Variants in FRMD5 observed in about 807,000 individuals in gnomAD.
The protein encoded by FRMD5 is FERM domain-containing protein 5.
A neutral mutation model predicts 69.0 loss-of-function variants in FRMD5; 20 were observed. The observed-to-expected ratio is 0.29, with a 90% confidence interval of 0.20 to 0.42. The LOEUF is 0.42. Ranked by LOEUF, FRMD5 falls within the 10% of genes least tolerant of loss-of-function variation. FRMD5 has a pLI of 1.00. For missense variants in FRMD5, 595 were observed against 708.6 expected, an observed-to-expected ratio of 0.84 and a Z score of 1.82; for synonymous variants, 271 against 260.1, an observed-to-expected ratio of 1.04 and a Z score of -0.40.
chr15:43,911,542 C>A (rs994232908), intron 4 of FRMD5, among the ~76,000 whole-genome samples: 1 of 152,218 alleles, frequency 6.6e-6, no homozygotes, highest in Non-Finnish European at 1.5e-5. Context: ...ATCACTGCAG[C>A]CCCAGCCAAC....
intron 1 of FRMD5, among the ~76,000 whole-genome samples, chr15:44,097,389 T>G (rs1420724679): frequency 1.3e-5 from 2 of 152,172 alleles, no homozygotes; most frequent in Non-Finnish European, 2.9e-5. Context: ...AGACAAGCAG[T>G]CTGGGCCTTA....
intron 1 of FRMD5, among the ~76,000 whole-genome samples, chr15:43,965,180 G>C (rs571660614): frequency 6.6e-6 from 1 of 152,092 alleles, no homozygotes; most frequent in Admixed American, 6.6e-5. Context: ...ACAGAGGCAG[G>C]GCTTGAAGGA....
intron 1 of FRMD5, among the ~76,000 whole-genome samples, chr15:43,980,118 GT>G (rs1356300754): frequency 1.3e-5 from 2 of 152,174 alleles, no homozygotes; most frequent in African/African-American, 4.8e-5. Context: ...CTAGATGCTT[GT>G]TTACTCGTTT....
chr15:44,022,866 T>C (rs1035016522), intron 1 of FRMD5, among the ~76,000 whole-genome samples: 1 of 152,164 alleles, frequency 6.6e-6, no homozygotes. Context: ...CCGTTTTTCA[T>C]ATAGTCAAGT....
intron 1 of FRMD5, among the ~76,000 whole-genome samples, chr15:43,962,719 T>C (rs972684273): frequency 2.0e-5 from 3 of 152,086 alleles, no homozygotes; most frequent in Non-Finnish European, 2.9e-5. Context: ...TATAGACCAA[T>C]GGAACAGAAC....
In FRMD5 at chr15:43,997,903, C is replaced by T. The variant is rs118012542; in HGVS notation, c.103-73594G>A. On this transcript the variant is annotated intron_variant, in intron 1 of 13. Transcript: ENST00000417257. The stretch of plus-strand genomic sequence containing the variant: ...TCAATGTTCATGACATTGAGATCTC[C>T]GGTCTACTTCCAGTAGGCCTCTTAA... Among the ~76,000 whole-genome samples the T allele has an allele frequency of 1.0e-3, 157 of 152,134 alleles. 2 individuals are homozygous for T. In the East Asian group the frequency reaches 0.022, roughly 21 times the overall value.
intron 7 of FRMD5, among the ~76,000 whole-genome samples, chr15:43,896,151 C>CG (rs1337213599): frequency 6.6e-6 from 1 of 152,078 alleles, no homozygotes; most frequent in East Asian, 1.9e-4. Context: ...ATAGCTATGC[C>CG]GTGGATATCG....
intron 1 of FRMD5, among the ~76,000 whole-genome samples, chr15:44,162,243 T>G (rs2077627897): frequency 6.8e-6 from 1 of 147,758 alleles, no homozygotes; most frequent in African/African-American, 2.5e-5. Flanking sequence ...GGATTACAGG[T>G]GTGAGCCACC....
chr15:43,934,165 TG>T (rs1174816684), intron 1 of FRMD5, among the ~76,000 whole-genome samples: 7 of 151,982 alleles, frequency 4.6e-5, no homozygotes, highest in African/African-American at 1.7e-4. Context: ...AGGGTTGGGG[TG>T]GGTATAGGAA....
chr15:44,156,509 A>C (rs1035793359), intron 1 of FRMD5, among the ~76,000 whole-genome samples: 3 of 152,206 alleles, frequency 2.0e-5, no homozygotes, highest in Admixed American at 6.5e-5. Flanking sequence ...GGCAAAGTTG[A>C]GGATTTTTTA....
chr15:43,951,950 T>G (rs2090036253), intron 1 of FRMD5, among the ~76,000 whole-genome samples: 1 of 151,108 alleles, frequency 6.6e-6, no homozygotes, highest in African/African-American at 2.4e-5. Context: ...TGGGCCCGAG[T>G]CTGTATGTGC....
rs75937569 is a variant in FRMD5, at chr15:43,922,587, A to G, written c.207+1618T>C. Among the ~76,000 whole-genome samples the G allele has an allele frequency of 3.3e-3, 506 of 152,206 alleles. 2 individuals are homozygous for G. Among genetic ancestry groups the G allele is most frequent in the African/African-American group, 0.012 (479 of 41,508 alleles). On this transcript the variant is annotated intron_variant, in intron 2 of 13. Coordinates refer to ENST00000417257, the MANE Select transcript of FRMD5 (RefSeq NM_032892.5). ...ACATTCTGACCTAACTAAAAAACCA[A>G]TGAACAGGATACAATTCGCCTTTTT...
chr15:44,158,071 A>C (rs993412241), intron 1 of FRMD5, among the ~76,000 whole-genome samples: 10 of 152,170 alleles, frequency 6.6e-5, no homozygotes, highest in Non-Finnish European at 1.5e-4. Context: ...ACTTCACTTG[A>C]TTTAAGGCAA....
chr15:44,044,838 C>A (rs1892362325), intron 1 of FRMD5, among the ~76,000 whole-genome samples: 1 of 152,106 alleles, frequency 6.6e-6, no homozygotes, highest in Admixed American at 6.5e-5. Context: ...GTGCAACAAA[C>A]CACCATGGCA....
At chr15:43,933,962 T>G (rs572825212) in intron 1 of FRMD5, among the ~76,000 whole-genome samples, 1 of 152,216 alleles carries the variant, frequency 6.6e-6, no homozygotes, top group Admixed American at 6.5e-5. Context: ...TTCCAGAACA[T>G]GTCCTATCCT....
At chr15:44,156,169 A>T (rs891359149) in intron 1 of FRMD5, among the ~76,000 whole-genome samples, 1 of 151,968 alleles carries the variant, frequency 6.6e-6, no homozygotes, top group Non-Finnish European at 1.5e-5. Flanking sequence ...TTTGAGACAG[A>T]GTCTCGCTCT....
intron 4 of FRMD5, among the ~76,000 whole-genome samples, chr15:43,910,881 C>T (rs935238303): frequency 6.6e-6 from 1 of 152,232 alleles, no homozygotes; most frequent in Non-Finnish European, 1.5e-5. Flanking sequence ...GTGATTTTCT[C>T]ATGGACGTAC....
At chr15:44,110,261 T>C (rs1446565025) in intron 1 of FRMD5, among the ~76,000 whole-genome samples, 7 of 152,152 alleles carry the variant, frequency 4.6e-5, no homozygotes, top group African/African-American at 9.7e-5. Context: ...CAGGCATTTA[T>C]AGCTTACTAC....
intron 10 of FRMD5, among the ~76,000 whole-genome samples, chr15:43,886,732 G>A (rs2088672866): frequency 6.6e-6 from 1 of 152,194 alleles, no homozygotes; most frequent in Admixed American, 6.5e-5. Flanking sequence ...GCTTACTGGA[G>A]CCTGGGCATG....
Sources: gnomAD v4.1 joint callset for allele counts (sites outside exome capture counted in the v4.1 genomes callset) on GRCh38, gnomAD v4.1.1 for gene constraint, MANE v1.5 for transcripts, NCBI Gene and HGNC (gene_info 2026-07-23, HGNC 2026-07-21) for gene names.